The following ANKRD50 variants were observed in gnomAD, a reference collection of about 807,000 sequenced individuals.
ANKRD50 encodes the protein ankyrin repeat domain-containing protein 50.
ANKRD50 carries 40 observed loss-of-function variants against 112.0 expected under a neutral mutation model. The observed-to-expected ratio is 0.36, with a 90% confidence interval of 0.28 to 0.46. The LOEUF (loss-of-function observed/expected upper bound fraction) is 0.46. ANKRD50 is among the 20% of genes least tolerant of loss of function. The pLI is 1.00. For synonymous variants in ANKRD50, 613 were observed against 619.1 expected (o/e 0.99, Z 0.15); for missense variants, 1,487 against 1,701.7 (o/e 0.87, Z 2.22).
At chr4:124,690,738 A>C (rs1014855286) in intron 2 of ANKRD50, among the ~76,000 whole-genome samples, 1 of 152,198 alleles carries the variant, frequency 6.6e-6, no homozygotes, top group Non-Finnish European at 1.5e-5. Flanking sequence ...TTTTTGATAA[A>C]AATTATACTA....
intron 4 of ANKRD50, among the ~76,000 whole-genome samples, chr4:124,668,476 G>T (rs1400768981): frequency 1.3e-5 from 2 of 152,148 alleles, no homozygotes; most frequent in South Asian, 4.1e-4. Context: ...CCAAAAAGAT[G>T]AGTTTGAAAC....
chr4:124,686,494 G>A (rs148927189), intron 2 of ANKRD50, among the ~76,000 whole-genome samples: 23 of 152,142 alleles, frequency 1.5e-4, no homozygotes, highest in African/African-American at 5.5e-4. Context: ...ATGAAGCTCC[G>A]CCCCCAGACT....
chr4:124,697,475 T>C (rs543021955), intron 2 of ANKRD50, among the ~76,000 whole-genome samples: 1 of 152,190 alleles, frequency 6.6e-6, no homozygotes, highest in South Asian at 2.1e-4. Context: ...TTAGATTAGA[T>C]CTCCAGGGAA....
chr4:124,704,271 T>C (rs1403486546), intron 2 of ANKRD50, among the ~76,000 whole-genome samples: 1 of 152,232 alleles, frequency 6.6e-6, no homozygotes, highest in Non-Finnish European at 1.5e-5. Flanking sequence ...GACAGTTATT[T>C]TAAATAGCAC....
chr4:124,686,579 C>A (rs1390526944), intron 2 of ANKRD50, among the ~76,000 whole-genome samples: 3 of 152,136 alleles, frequency 2.0e-5, no homozygotes, highest in Non-Finnish European at 4.4e-5. Context: ...ATAAGCATTA[C>A]TTGTCCTTGA....
At chr4:124,707,101 G>A (rs1420903727) in intron 2 of ANKRD50, among the ~76,000 whole-genome samples, 1 of 152,056 alleles carries the variant, frequency 6.6e-6, no homozygotes, top group South Asian at 2.1e-4. Flanking sequence ...GCAAAAACTG[G>A]TTTTGGATTT....
intron 2 of ANKRD50, among the ~76,000 whole-genome samples, chr4:124,681,852 T>C (rs138212821): frequency 1.3e-5 from 2 of 152,310 alleles, no homozygotes; most frequent in Non-Finnish European, 2.9e-5. Context: ...TTCCCTTTGA[T>C]TTCTTCTTTA....
Position 124,671,106 on chromosome 4 carries a change from C to T in ANKRD50, c.2171G>A (p.Ser724Asn). 1 of 1,613,806 alleles carries T rather than the reference C, an allele frequency of 6.2e-7. No individual in the cohort carries two copies. Among genetic ancestry groups the T allele is most frequent in the Non-Finnish European group, 8.5e-7 (1 of 1,179,842 alleles). ...GCTAACAACTGATGCGTGCCCTTTA[C>T]TTGCAGGCACACAAAGTGCAGCTAC... is the stretch of plus-strand genomic sequence containing the variant. ...LSVAALCVPA[S>N]KGHASVVSLL... The change falls in exon 4 of 5, where the codon AGT becomes AAT. Residue 724 changes from serine to asparagine, a missense_variant. By Grantham distance (46) the Ser-to-Asn change is conservative. This residue lies in a region of ANKRD50 where 1,046 missense variants were observed against 1,269.5 expected (regional missense o/e 0.82). Coordinates refer to ENST00000504087, the MANE Select transcript of ANKRD50 (RefSeq NM_020337.3).
At chr4:124,674,609 G>A (rs1730729358) in intron 3 of ANKRD50, among the ~76,000 whole-genome samples, 1 of 151,862 alleles carries the variant, frequency 6.6e-6, no homozygotes, top group Non-Finnish European at 1.5e-5. Flanking sequence ...TGACTTTGAA[G>A]TTTGCTCTTT....
rs540671897 is a variant in ANKRD50 at position 124,706,084 on chromosome 4, T to C, written c.512+3916A>G. The stretch of plus-strand genomic sequence containing the variant: ...TGTTTCATGAACACTGTAACAAGTA[T>C]TTACTCTGATGGTTATTTCTCTCTA... On this transcript the variant is annotated intron_variant, in intron 2 of 4. Transcript: ENST00000504087. Among the ~76,000 whole-genome samples, 3 of 152,258 alleles carry C rather than the reference T, an allele frequency of 2.0e-5. No individual in the cohort carries two copies. The South Asian group carries it at 6.2e-4, about 32-fold the overall frequency.
chr4:124,697,159 G>T (rs2110523260), intron 2 of ANKRD50, among the ~76,000 whole-genome samples: 1 of 152,296 alleles, frequency 6.6e-6, no homozygotes, highest in African/African-American at 2.4e-5. Flanking sequence ...AAGCAAAGAA[G>T]TTGAGTAAGC....
rs1439541930 is a variant in ANKRD50 at position 124,665,736 on chromosome 4, G to A, written c.*1782C>T. On this transcript the variant is annotated 3_prime_UTR_variant, in exon 5 of 5. Transcript: ENST00000504087. Reference sequence around the variant, plus strand: ...CATTCACATTTGAGTTATTAATATTGCCATGTCACCTTAATATCAATTGAA... The same window carrying A: ...CATTCACATTTGAGTTATTAATATTACCATGTCACCTTAATATCAATTGAA... 2 of 152,248 alleles carry A rather than the reference G, an allele frequency of 1.3e-5. No homozygotes were observed. The highest frequency in any genetic ancestry group is 2.4e-5 in the African/African-American group (1 of 41,366). The allele number at this position is 152,248 out of a possible 1,614,324, so 9.4% of individuals were successfully genotyped here. A position where few individuals can be genotyped will look rare whatever the true frequency, so the allele number is the denominator to read the frequency against.
In ANKRD50 at chr4:124,665,862, A is replaced by G. The variant is rs568673265; in HGVS notation, c.*1656T>C. ...TAAAAGCAAGAAAAGCCTTACAATA[A>G]GATTCAAGTGAAACATTTATCATAA... On this transcript the variant is annotated 3_prime_UTR_variant, in exon 5 of 5. Coordinates refer to ENST00000504087, the MANE Select transcript of ANKRD50 (RefSeq NM_020337.3). 2.0e-5 allele frequency: 3 copies of G among 152,414 alleles called. No individual in the cohort carries two copies. The highest frequency in any genetic ancestry group is 2.9e-5 in the Non-Finnish European group (2 of 67,924). The allele number at this position is 152,414 out of a possible 1,614,324, so 9.4% of individuals were successfully genotyped here. A position where few individuals can be genotyped will look rare whatever the true frequency, so the allele number is the denominator to read the frequency against.
Position 124,670,811 on chromosome 4 carries a change from T to C in ANKRD50, c.2466A>G (p.Ser822=). 1.2e-6 allele frequency: 2 copies of C among 1,613,944 alleles called. No individual in the cohort carries two copies. Among genetic ancestry groups the C allele is most frequent in the Non-Finnish European group, 1.7e-6 (2 of 1,179,884 alleles). The change falls in exon 4 of 5, where the codon TCA becomes TCG. Residue 822 remains serine (S), a synonymous_variant. Coordinates refer to ENST00000504087, the MANE Select transcript of ANKRD50 (RefSeq NM_020337.3). The stretch of plus-strand genomic sequence containing the variant: ...GTACCACCTCAACATTTCCTTGTGC[T>C]GAAGCTATACTGAGGACTGTCCTAC... ...SEGRTVLSIA[S]AQGNVEVVRT...
At chr4:124,668,755 G>T (rs1235954104) in intron 4 of ANKRD50, among the ~76,000 whole-genome samples, 1 of 152,032 alleles carries the variant, frequency 6.6e-6, no homozygotes, top group Non-Finnish European at 1.5e-5. Flanking sequence ...GAAAACATCT[G>T]AAGTATTTTA....
chr4:124,668,789 T>C lies in ANKRD50; in HGVS notation c.*3+195A>G, dbSNP rs372524651. Among the ~76,000 whole-genome samples, 180 of 152,032 alleles carry C rather than the reference T, an allele frequency of 1.2e-3. 1 individual carries two copies. Among genetic ancestry groups the C allele is most frequent in the African/African-American group, 4.3e-3 (177 of 41,498 alleles). On this transcript the variant is annotated intron_variant, in intron 4 of 4. Transcript: ENST00000504087. ...TAAATAGTAAGTGCTTTGGATAACA[T>C]AATGCACGCAAGGGGGAAAGGAGTG...
chr4:124,679,143 T>C (rs1724815065), intron 2 of ANKRD50, among the ~76,000 whole-genome samples: 1 of 152,184 alleles, frequency 6.6e-6, no homozygotes, highest in Admixed American at 6.6e-5. Context: ...TGGGTGTGTG[T>C]AATTCAGCAT....
In ANKRD50 at chr4:124,667,092, GA is replaced by G. The variant is rs1200693598; in HGVS notation, c.*425del. On this transcript the variant is annotated 3_prime_UTR_variant, in exon 5 of 5. Transcript: ENST00000504087. ...CCATACACTACAATGCAATGTGACTGAAACAGTATGTTTAAGTTTCTTTTGC... is the reference window on the plus strand; with the variant it reads ...CCATACACTACAATGCAATGTGACTGAACAGTATGTTTAAGTTTCTTTTGC... The G allele has an allele frequency of 6.6e-6, 1 of 151,618 alleles. No homozygotes were observed. Among genetic ancestry groups the G allele is most frequent in the Admixed American group, 6.6e-5 (1 of 15,174 alleles). The allele number at this position is 151,618 out of a possible 1,614,324, so 9.4% of individuals were successfully genotyped here.
intron 4 of ANKRD50, among the ~76,000 whole-genome samples, chr4:124,668,770 G>GT (rs1245488300): frequency 6.6e-6 from 1 of 152,060 alleles, no homozygotes; most frequent in African/African-American, 2.4e-5. Context: ...ATTTTAAATA[G>GT]TAAGTGCTTT....
Sources: allele counts gnomAD v4.1 joint callset (sites outside exome capture counted in the v4.1 genomes callset), GRCh38; gene constraint gnomAD v4.1.1; regional missense constraint gnomAD v4.1.1; transcripts MANE v1.5; gene names NCBI Gene and HGNC (gene_info 2026-07-23, HGNC 2026-07-21).